COL4A6: variants seen among roughly 807,000 people sequenced by gnomAD.
COL4A6 encodes collagen alpha-6(IV) chain.
COL4A6 carries 59 observed loss-of-function variants against 126.7 expected under a neutral mutation model. That is an observed-to-expected ratio of 0.47 (90% confidence interval 0.38 to 0.58). The LOEUF (loss-of-function observed/expected upper bound fraction) is 0.58, where lower values mean the gene tolerates loss of function less well. Ranked by LOEUF, COL4A6 falls within the 20% of genes least tolerant of loss-of-function variation. The pLI is 0.00. For missense variants in COL4A6, 1,285 were observed against 1,337.3 expected, an observed-to-expected ratio of 0.96 and a Z score of 0.61; for synonymous variants, 547 against 496.6, an observed-to-expected ratio of 1.10 and a Z score of -1.35.
At chrX:108,217,461 C>G (rs746551433) in intron 5 of COL4A6, among the ~76,000 whole-genome samples, 1 of 111,277 alleles carries the variant, frequency 9.0e-6, no homozygotes, top group Non-Finnish European at 1.9e-5. Context: ...CAGCCTCCAC[C>G]GCAATATCTT....
chrX:108,159,820 T>A (rs1221672482), intron 43 of COL4A6, 72 bp from the exon 44 acceptor site: 4 of 1,104,832 alleles, frequency 3.6e-6, no homozygotes, highest in African/African-American at 1.8e-5. Context: ...GTGGTTTGGG[T>A]TTACATCCAA....
chrX:108,178,954 G>T, intron 26 of COL4A6, 109 bp from the exon 27 acceptor site: 1 of 911,146 alleles, frequency 1.1e-6, no homozygotes, highest in Non-Finnish European at 1.5e-6. Flanking sequence ...CTCAGCTCCA[G>T]CCTTGTTGCT....
intron 2 of COL4A6, among the ~76,000 whole-genome samples, chrX:108,343,365 A>G (rs1321232553): frequency 2.7e-5 from 3 of 109,641 alleles, no homozygotes; most frequent in Non-Finnish European, 5.7e-5. Flanking sequence ...AGACAATGAT[A>G]TAGGGCAGTA....
intron 2 of COL4A6, among the ~76,000 whole-genome samples, chrX:108,357,869 G>A (rs1420500004): frequency 9.0e-6 from 1 of 111,221 alleles, no homozygotes; most frequent in East Asian, 2.8e-4. Flanking sequence ...TTGGGACTGG[G>A]AACCCAGATA....
At chrX:108,168,290 C>T (rs754644563) in intron 37 of COL4A6, among the ~76,000 whole-genome samples, 7 of 112,156 alleles carry the variant, frequency 6.2e-5, no homozygotes, top group South Asian at 7.5e-4. Context: ...TGGGCAGGCT[C>T]GGACCCTGCT....
Position 108,267,927 on chromosome X carries a change from C to G in COL4A6, c.144+42821G>C, listed in dbSNP as rs2037353375. On this transcript the variant is annotated intron_variant, in intron 3 of 44. Transcript: ENST00000334504. Reference sequence around the variant, plus strand: ...TAGTTTTCATGAAAATAATAGTTTTCTTTTTATACTCATATTTCACAAATT... The same window carrying G: ...TAGTTTTCATGAAAATAATAGTTTTGTTTTTATACTCATATTTCACAAATT... The G allele has an allele frequency of 2.7e-5, 3 of 112,617 alleles. No homozygotes were observed. In the Admixed American group the frequency reaches 2.8e-4, roughly 11 times the overall value. 9.3% of individuals were successfully genotyped at this position (112,617 alleles called of 1,213,427 possible). A position where few individuals can be genotyped will look rare whatever the true frequency, so the allele number is the denominator to read the frequency against.
intron 2 of COL4A6, among the ~76,000 whole-genome samples, chrX:108,429,656 T>C (rs762281190): frequency 1.0e-3 from 114 of 111,759 alleles, no homozygotes; most frequent in Admixed American, 2.4e-3. Context: ...AATCTACAAT[T>C]ATCTCAATAA....
At chrX:108,243,927 C>A (rs1372090307) in intron 3 of COL4A6, among the ~76,000 whole-genome samples, 1 of 111,975 alleles carries the variant, frequency 8.9e-6, no homozygotes, top group Non-Finnish European at 1.9e-5. Flanking sequence ...TCCCCAAAAC[C>A]TGGGAGAGCT....
intron 2 of COL4A6, among the ~76,000 whole-genome samples, chrX:108,436,383 A>C (rs966877135): frequency 8.9e-6 from 1 of 112,712 alleles, no homozygotes; most frequent in Non-Finnish European, 1.9e-5. Context: ...TTTTAAAGGT[A>C]TTAAGTGACA....
intron 2 of COL4A6, among the ~76,000 whole-genome samples, chrX:108,405,615 G>A (rs1353169995): frequency 1.8e-5 from 2 of 111,337 alleles, no homozygotes; most frequent in Non-Finnish European, 3.8e-5. Flanking sequence ...TCAGATCTCT[G>A]TTCTTTTCAT....
intron 7 of COL4A6, 137 bp from the exon 8 acceptor site, chrX:108,210,141 A>G: frequency 1.8e-6 from 1 of 562,450 alleles, no homozygotes; most frequent in South Asian, 4.0e-5. Context: ...TGTGTTTTAA[A>G]TAATGTATGA....
chrX:108,204,623 G>A (rs781082124), intron 11 of COL4A6: 2 of 497,820 alleles, frequency 4.0e-6, no homozygotes, highest in East Asian at 7.2e-5. Context: ...GCACTGCAGA[G>A]GGAAGAGCAA....
At chrX:108,438,539 A>G, upstream of COL4A6, 7 of 838,704 alleles carry the variant, frequency 8.3e-6, no homozygotes, top group Non-Finnish European at 1.1e-5. Flanking sequence ...GCACCTTTCC[A>G]CACAACAGCC....
Position 108,159,591 on chromosome X carries a change from G to C in COL4A6, c.4683C>G (p.Pro1561=). The stretch of plus-strand genomic sequence containing the variant: ...ACACAGAGCAGCGGCTGATGTACTG[G>C]GGAATCTGGGTCTGGCTGACGGGCA... ...PMMPVSQTQI[P]QYISRCSVCE... Residue 1561 remains proline, a synonymous_variant, in exon 44 of 45, where the codon CCC becomes CCG. Coordinates refer to ENST00000334504, the MANE Select transcript of COL4A6 (RefSeq NM_033641.4). 1 of 1,212,454 alleles carries C rather than the reference G, an allele frequency of 8.2e-7. No homozygotes were observed. Among genetic ancestry groups the C allele is most frequent in the Non-Finnish European group, 1.1e-6 (1 of 895,648 alleles).
At chrX:108,288,881 G>A (rs2038083105) in intron 3 of COL4A6, among the ~76,000 whole-genome samples, 1 of 111,372 alleles carries the variant, frequency 9.0e-6, no homozygotes, top group Admixed American at 9.6e-5. Context: ...TGTTCCTCCT[G>A]ATGTGAGACA....
At chrX:108,323,419 T>C (rs948195588) in intron 2 of COL4A6, among the ~76,000 whole-genome samples, 7 of 111,835 alleles carry the variant, frequency 6.3e-5, no homozygotes, top group African/African-American at 2.3e-4. Context: ...TAAAAAGATA[T>C]GCTTCTAAAA....
chrX:108,425,971 T>G (rs1377025436), intron 2 of COL4A6, among the ~76,000 whole-genome samples: 1 of 111,410 alleles, frequency 9.0e-6, no homozygotes, highest in African/African-American at 3.3e-5. Context: ...TTTTCTTCAT[T>G]ATCAACAGCA....
intron 2 of COL4A6, among the ~76,000 whole-genome samples, chrX:108,351,850 G>T (rs184604514): frequency 5.4e-5 from 6 of 111,646 alleles, no homozygotes; most frequent in Admixed American, 3.8e-4. Context: ...CAACATCCAC[G>T]CATACACACA....
intron 2 of COL4A6, among the ~76,000 whole-genome samples, chrX:108,318,438 C>A (rs1281956637): frequency 5.4e-5 from 6 of 111,039 alleles, no homozygotes; most frequent in Non-Finnish European, 1.1e-4. Context: ...CAAATTGTCC[C>A]TGTTTGCAGA....
Sources: gnomAD v4.1 joint callset for allele counts (sites outside exome capture counted in the v4.1 genomes callset) on GRCh38, gnomAD v4.1.1 for gene constraint, MANE v1.5 for transcripts, NCBI Gene and HGNC (gene_info 2026-07-23, HGNC 2026-07-21) for gene names.